Variants in ZFYVE16 observed in about 807,000 individuals in gnomAD.
ZFYVE16 encodes the protein zinc finger FYVE-type containing 16.
A neutral mutation model predicts 138.1 loss-of-function variants in ZFYVE16; 89 were observed. The ratio of observed to expected loss-of-function variants is 0.64; its 90% confidence interval spans 0.54 to 0.77. The LOEUF (loss-of-function observed/expected upper bound fraction) is 0.77, where lower values mean the gene tolerates loss of function less well. ZFYVE16 is among the 30% of genes least tolerant of loss of function. The pLI, the probability that ZFYVE16 is intolerant of heterozygous loss-of-function variation, is 0.00. For missense variants in ZFYVE16, 1,793 were observed against 1,786.7 expected, an observed-to-expected ratio of 1.00 and a Z score of -0.06; for synonymous variants, 596 against 618.3, an observed-to-expected ratio of 0.96 and a Z score of 0.53.
In ZFYVE16 at chr5:80,483,110, C is replaced by A. The variant is rs973503584; in HGVS notation, c.*5733C>A. ...TCTCAAACTCCTGACCTCAGGTGAT[C>A]TGCCTGCTTCGGCCTCCCAAAGTGC... On this transcript the variant is annotated 3_prime_UTR_variant, in exon 19 of 19. Coordinates refer to ENST00000505560, the MANE Select transcript of ZFYVE16 (RefSeq NM_001284236.3). 3 of 152,238 alleles carry A rather than the reference C, an allele frequency of 2.0e-5. No homozygotes were observed. Among genetic ancestry groups the A allele is most frequent in the African/African-American group, 4.8e-5 (2 of 41,450 alleles). 9.4% of individuals were successfully genotyped at this position (152,238 alleles called of 1,614,324 possible).
chr5:80,477,662 G>C lies in ZFYVE16; in HGVS notation c.*285G>C, dbSNP rs1755044379. 4.4e-6 allele frequency: 1 copy of C among 226,442 alleles called. No homozygotes were observed. Among genetic ancestry groups the C allele is most frequent in the African/African-American group, 2.3e-5 (1 of 43,624 alleles). 14.0% of individuals were successfully genotyped at this position (226,442 alleles called of 1,614,324 possible). ...ATAGCATTTACTGTGTTATTTAAAT[G>C]CTAAGCCAAAGTATCTGCACTTAGG... On this transcript the variant is annotated 3_prime_UTR_variant, in exon 19 of 19. Coordinates refer to ENST00000505560, the MANE Select transcript of ZFYVE16 (RefSeq NM_001284236.3).
chr5:80,456,971 T>C lies in ZFYVE16; in HGVS notation c.3822T>C (p.Asn1274=). 1 of 1,601,038 alleles carries C rather than the reference T, an allele frequency of 6.2e-7. No individual in the cohort carries two copies. Reference sequence around the variant, plus strand: ...TAATGAAAGTACTAAATTCTTCCAATGAGCATGTCATTAGCATTGGAGCAA... The same window carrying C: ...TAATGAAAGTACTAAATTCTTCCAACGAGCATGTCATTAGCATTGGAGCAA... ...SDVMKVLNSS[N]EHVISIGASF... The change falls in exon 14 of 19, where the codon AAT becomes AAC. Residue 1274 remains asparagine (N), a synonymous_variant. Transcript: ENST00000505560.
chr5:80,424,496 C>G (rs1442954157), intron 1 of ZFYVE16, among the ~76,000 whole-genome samples: 2 of 142,576 alleles, frequency 1.4e-5, no homozygotes, highest in Non-Finnish European at 3.1e-5. Context: ...GGATCTTGCT[C>G]TGTTGCCCAG....
chr5:80,448,576 T>C (rs926339933), intron 8 of ZFYVE16, among the ~76,000 whole-genome samples, 172 bp downstream of exon 8: 5 of 152,180 alleles, frequency 3.3e-5, no homozygotes, highest in African/African-American at 1.2e-4. Flanking sequence ...CTAAAAATAT[T>C]TGAACTTTTA....
chr5:80,456,378 A>C, intron 12 of ZFYVE16, 83 bp from the exon 13 acceptor site: 1 of 1,067,342 alleles, frequency 9.4e-7, no homozygotes, highest in Non-Finnish European at 1.4e-6. Context: ...ACTGCTGTGG[A>C]GAAGGATTTC....
At chr5:80,419,144 C>T (rs1746705046) in intron 1 of ZFYVE16, among the ~76,000 whole-genome samples, 1 of 149,198 alleles carries the variant, frequency 6.7e-6, no homozygotes. Flanking sequence ...GTGGTGTAAT[C>T]ATGGCTCTCT....
chr5:80,477,186 C>T (rs749325880), intron 18 of ZFYVE16, 33 bp from the exon 19 acceptor site: 46 of 1,552,032 alleles, frequency 3.0e-5, no homozygotes, highest in Non-Finnish European at 3.6e-5. Flanking sequence ...CAAGATTGCT[C>T]ATTTTCTTAT....
In ZFYVE16 at chr5:80,477,695, CTT is replaced by C. The variant is rs1354306042; in HGVS notation, c.*320_*321del. 1 of 176,388 alleles carries C rather than the reference CTT, an allele frequency of 5.7e-6. No homozygotes were observed. Among genetic ancestry groups the C allele is most frequent in the East Asian group, 1.5e-4 (1 of 6,528 alleles). The allele number at this position is 176,388 out of a possible 1,614,324, so 10.9% of individuals were successfully genotyped here. A position where few individuals can be genotyped will look rare whatever the true frequency, so the allele number is the denominator to read the frequency against. Reference sequence around the variant, plus strand: ...AAAGTATCTGCACTTAGGTATACCTCTTTATGCCAATAATGATTTTAATGAAG... The same window carrying C: ...AAAGTATCTGCACTTAGGTATACCTCTATGCCAATAATGATTTTAATGAAG... On this transcript the variant is annotated 3_prime_UTR_variant, in exon 19 of 19. Coordinates refer to ENST00000505560, the MANE Select transcript of ZFYVE16 (RefSeq NM_001284236.3).
intron 5 of ZFYVE16, among the ~76,000 whole-genome samples, chr5:80,442,306 T>G (rs1024330414): frequency 6.6e-6 from 1 of 152,132 alleles, no homozygotes; most frequent in Non-Finnish European, 1.5e-5. Context: ...GGTTTCACCA[T>G]GTTGCCCAGG....
At chr5:80,470,087 G>A (rs1266664256) in intron 15 of ZFYVE16, among the ~76,000 whole-genome samples, 26 of 71,354 alleles carry the variant, frequency 3.6e-4, no homozygotes, top group South Asian at 9.9e-4. Flanking sequence ...GTGTGTGTGT[G>A]TGTGTGTGTG....
In ZFYVE16 at chr5:80,481,765, C is replaced by G. The variant is rs1369441624; in HGVS notation, c.*4388C>G. Among the ~76,000 whole-genome samples, 1 of 152,100 alleles carries G rather than the reference C, an allele frequency of 6.6e-6. No individual in the cohort carries two copies. The highest frequency in any genetic ancestry group is 2.4e-5 in the African/African-American group (1 of 41,408). ...TAGGGAAAAGACAATGAACAAGAGC[C>G]AACTCTAAGGTTACCCAAATGTCAG... On this transcript the variant is annotated 3_prime_UTR_variant, in exon 19 of 19. Transcript: ENST00000505560.
At chr5:80,435,839 C>T (rs866308101) in intron 3 of ZFYVE16, 10 of 300,788 alleles carry the variant, frequency 3.3e-5, no homozygotes, top group Admixed American at 8.0e-5. Context: ...CTTCCCAAAG[C>T]GCTGGGATTA....
chr5:80,416,871 A>G (rs1218404470), intron 1 of ZFYVE16, among the ~76,000 whole-genome samples: 1 of 152,122 alleles, frequency 6.6e-6, no homozygotes, highest in African/African-American at 2.4e-5. Flanking sequence ...TACTGCTTCT[A>G]GGCCCTCTAA....
At chr5:80,441,445 T>C (rs259030) in intron 5 of ZFYVE16, 916,132 of 985,132 alleles carry the variant, frequency 0.93, 427,544 homozygotes, top group Non-Finnish European at 0.95. Flanking sequence ...GTTTCATTTA[T>C]GGTGCTATTT....
intron 1 of ZFYVE16, among the ~76,000 whole-genome samples, chr5:80,413,137 C>G (rs907980962): frequency 2.0e-5 from 3 of 151,696 alleles, no homozygotes; most frequent in African/African-American, 7.3e-5. Context: ...TATCGTGCCA[C>G]TGCAGTCCAA....
intron 15 of ZFYVE16, among the ~76,000 whole-genome samples, chr5:80,460,308 G>C (rs249016): frequency 0.87 from 133,107 of 152,130 alleles, 58,961 homozygotes; most frequent in Non-Finnish European, 0.94. Context: ...TATCTTTTGC[G>C]CTTTTTTCTA....
At chr5:80,470,022 C>CAT (rs1325749732) in intron 15 of ZFYVE16, among the ~76,000 whole-genome samples, 1 of 141,222 alleles carries the variant, frequency 7.1e-6, no homozygotes. Context: ...TACATATATA[C>CAT]ATATATATGT....
chr5:80,410,780 G>T (rs188366106), intron 1 of ZFYVE16, among the ~76,000 whole-genome samples: 1 of 151,266 alleles, frequency 6.6e-6, no homozygotes, highest in Non-Finnish European at 1.5e-5. Context: ...ATGTTGGCCA[G>T]GATGGTCTCG....
Position 80,459,393 on chromosome 5 carries a change from ATTG to A in ZFYVE16, c.3944-16_3944-14del. ...AAAAATGAGCAGTTTAAAACAAATAATTGTTGTATTTCTTGATCAGTGACAGGT... is the reference window on the plus strand; with the variant it reads ...AAAAATGAGCAGTTTAAAACAAATAATTGTATTTCTTGATCAGTGACAGGT... On this transcript the variant is annotated intron_variant, in intron 14 of 18. Transcript: ENST00000505560. The A allele has an allele frequency of 6.2e-7, 1 of 1,604,840 alleles. No homozygotes were observed. The highest frequency in any genetic ancestry group is 8.5e-7 in the Non-Finnish European group (1 of 1,174,518).
Sources: gnomAD v4.1 joint callset for allele counts (sites outside exome capture counted in the v4.1 genomes callset) on GRCh38, gnomAD v4.1.1 for gene constraint, MANE v1.5 for transcripts, NCBI Gene and HGNC (gene_info 2026-07-23, HGNC 2026-07-21) for gene names.